The following HRG variants were observed in gnomAD, a reference collection of about 807,000 sequenced individuals.
HRG encodes the protein histidine-rich glycoprotein.
HRG carries 26 observed loss-of-function variants against 29.5 expected under a neutral mutation model. The ratio of observed to expected loss-of-function variants is 0.88; its 90% CI spans 0.65 to 1.22. The LOEUF (loss-of-function observed/expected upper bound fraction) is 1.22, where lower values mean the gene tolerates loss of function less well. Among genes scored for constraint, HRG ranks in the 50% most tolerant of loss-of-function variants. The pLI, the probability that HRG is intolerant of heterozygous loss-of-function variation, is 0.00. For missense variants in HRG, 671 were observed against 654.5 expected (o/e 1.03, Z -0.28); for synonymous variants, 243 against 240.4 (o/e 1.01, Z -0.10).
Position 186,675,170 on chromosome 3 carries a change from T to C in HRG, c.721T>C (p.Cys241Arg), listed in dbSNP as rs2276804. The change falls in exon 6 of 7, where the codon TGT becomes CGT. Residue 241 changes from cysteine (C) to arginine (R), a missense_variant. Physicochemically the swap from Cys to Arg is radical, Grantham distance 180. Transcript: ENST00000232003. ...LESPKNLVINCEVFDPQEHEN... is the reference protein window; with the variant it reads ...LESPKNLVINREVFDPQEHEN... ...AAGCCCGAAAAACCTTGTCATAAAC[T>C]GTGAAGTCTTCGACCCTCAGGTGGG... 6.2e-5 allele frequency: 100 copies of C among 1,613,212 alleles called. No individual in the cohort carries two copies. The East Asian group carries it at 2.2e-3, about 35-fold the overall frequency.
At chr3:186,672,606 A>G (rs1163327602) in intron 4 of HRG, among the ~76,000 whole-genome samples, 181 bp from the exon 5 acceptor site, 2 of 152,238 alleles carry the variant, frequency 1.3e-5, no homozygotes, top group Admixed American at 6.5e-5. Context: ...GTGAACTGGT[A>G]TTCACCTTAT....
Position 186,677,718 on chromosome 3 carries a change from A to T in HRG, c.1413A>T (p.Pro471=), listed in dbSNP as rs757723153. 6.2e-7 allele frequency: 1 copy of T among 1,611,322 alleles called. No homozygotes were observed. The highest frequency in any genetic ancestry group is 1.1e-5 in the South Asian group (1 of 91,044). ...CTCTAAGAAAAGGTGAGGTGCTGCC[A>T]CTTCCTGAGGCCAATTTTCCCAGCT... is the stretch of plus-strand genomic sequence containing the variant. ...LPPLRKGEVL[P]LPEANFPSFP... Residue 471 remains proline (P), a synonymous_variant, in exon 7 of 7, where the codon CCA becomes CCT. Transcript: ENST00000232003.
chr3:186,669,514 A>T (rs947243876), intron 2 of HRG: 5 of 353,860 alleles, frequency 1.4e-5, no homozygotes, highest in African/African-American at 1.1e-4. Context: ...AGCACCTAGG[A>T]TATACACTGA....
rs1014762323 is a variant in HRG, at chr3:186,673,206, C to T, written c.639+339C>T. ...GCAACCTCCGCCTCCCGGGTTCAGG[C>T]GATTCTCCTGCCTCAGCCTCCGGAG... On this transcript the variant is annotated intron_variant, in intron 5 of 6. Coordinates refer to ENST00000232003, the MANE Select transcript of HRG (RefSeq NM_000412.5). The T allele has an allele frequency of 2.5e-5, 9 of 361,458 alleles. 1 individual carries two copies. The highest frequency in any genetic ancestry group is 4.6e-5 in the South Asian group (2 of 43,232). The allele number at this position is 361,458 out of a possible 1,614,324, so 22.4% of individuals were successfully genotyped here. A position where few individuals can be genotyped will look rare whatever the true frequency, so the allele number is the denominator to read the frequency against.
intron 6 of HRG, among the ~76,000 whole-genome samples, chr3:186,676,437 C>G (rs1718992325): frequency 6.6e-6 from 1 of 151,874 alleles, no homozygotes; most frequent in East Asian, 1.9e-4. Context: ...CAATCCTTTA[C>G]TCTGATATTG....
At position 186,666,152 on chromosome 3, in the gene HRG, A is replaced by T; in HGVS notation, c.121A>T (p.Arg41Trp). 1 of 1,614,224 alleles carries T rather than the reference A, an allele frequency of 6.2e-7. No individual in the cohort carries two copies. Among genetic ancestry groups the T allele is most frequent in the African/African-American group, 1.3e-5 (1 of 75,058 alleles). Residue 41 changes from arginine (R) to tryptophan (W), a missense_variant, in exon 1 of 7, where the codon AGG (arginine) becomes TGG (tryptophan). Arg to Trp is a moderately radical substitution (Grantham distance 101). Coordinates refer to ENST00000232003, the MANE Select transcript of HRG (RefSeq NM_000412.5). ...GAAAGCTCTAGACCTGATCAATAAA[A>T]GGCGACGGGATGGCTACCTTTTCCA... ...AEKALDLINK[R>W]RRDGYLFQLL...
intron 1 of HRG, 55 bp downstream of exon 1, chr3:186,666,269 G>A (rs1318027048): frequency 1.9e-6 from 3 of 1,562,206 alleles, no homozygotes; most frequent in African/African-American, 2.7e-5. Context: ...GGGGGCAAAT[G>A]TGACTCTACC....
intron 3 of HRG, 73 bp downstream of exon 3, chr3:186,670,101 A>G: frequency 1.2e-6 from 1 of 815,836 alleles, no homozygotes; most frequent in Non-Finnish European, 2.2e-6. Flanking sequence ...TATTTGTCTC[A>G]TCTATGTACA....
intron 5 of HRG, 168 bp downstream of exon 5, chr3:186,673,035 G>A (rs1189568870): frequency 1.5e-6 from 1 of 686,588 alleles, no homozygotes; most frequent in South Asian, 1.6e-5. Context: ...GAAATACAAA[G>A]TATCATCTGG....
chr3:186,677,673 A>G lies in HRG; in HGVS notation c.1368A>G (p.Gly456=), dbSNP rs144288090. ...GPRPFHCRQI[G]SVYRLPPLRK... ...GTCCCTTCCATTGCAGACAAATTGG[A>G]TCTGTGTACCGACTCCCTCCTCTAA... Residue 456 remains glycine, a synonymous_variant, in exon 7 of 7, where the codon GGA becomes GGG. Transcript: ENST00000232003. 6.2e-5 allele frequency: 100 copies of G among 1,613,806 alleles called. No individual in the cohort carries two copies. In the African/African-American group the frequency reaches 1.2e-3, roughly 20 times the overall value.
In HRG at chr3:186,669,040, C is replaced by T; in HGVS notation, c.289C>T (p.Pro97Ser). 1 of 1,580,312 alleles carries T rather than the reference C, an allele frequency of 6.3e-7. No individual in the cohort carries two copies. The highest frequency in any genetic ancestry group is 8.7e-7 in the Non-Finnish European group (1 of 1,148,996). The change falls in exon 2 of 7, where the codon CCA becomes TCA. Residue 97 changes from proline to serine, a missense_variant. Physicochemically the swap from Pro to Ser is moderately conservative, Grantham distance 74. Coordinates refer to ENST00000232003, the MANE Select transcript of HRG (RefSeq NM_000412.5). The part of the protein sequence containing the change: ...NDCEPPDSRR[P>S]SEIVIGQCKV... ...CTGTGAGCCACCTGATTCCAGACGT[C>T]CATCTGAAATAGTAAGTAAAGAGGG...
intron 5 of HRG, chr3:186,674,881 G>A: frequency 3.6e-6 from 2 of 562,386 alleles, no homozygotes; most frequent in South Asian, 3.5e-5. Context: ...AAAAACCACA[G>A]CAACTTTAGT....
Position 186,668,892 on chromosome 3 carries a change from G to C in HRG, c.184-43G>C, listed in dbSNP as rs1304274362. On this transcript the variant is annotated intron_variant, in intron 1 of 6. Transcript: ENST00000232003. The stretch of plus-strand genomic sequence containing the variant: ...TTAATACATAAAAAAAAACCCGCTA[G>C]GTTTCCATGTGCTACTCACATGTTG... 2.9e-6 allele frequency: 3 copies of C among 1,047,426 alleles called. No individual in the cohort carries two copies. The African/African-American group carries it at 4.7e-5, about 16-fold the overall frequency. 64.9% of individuals were successfully genotyped at this position (1,047,426 alleles called of 1,614,324 possible). A position where few individuals can be genotyped will look rare whatever the true frequency, so the allele number is the denominator to read the frequency against.
rs950902026 is a variant in HRG, at chr3:186,677,314, G to A, written c.1009G>A (p.Ala337Thr). 3 of 1,614,012 alleles carry A rather than the reference G, an allele frequency of 1.9e-6. No individual in the cohort carries two copies. The highest frequency in any genetic ancestry group is 2.5e-6 in the Non-Finnish European group (3 of 1,180,018). Residue 337 changes from alanine to threonine, a missense_variant, in exon 7 of 7, where the codon GCC (alanine) becomes ACC (threonine). By Grantham distance (58) the Ala-to-Thr change is moderately conservative. Coordinates refer to ENST00000232003, the MANE Select transcript of HRG (RefSeq NM_000412.5). ...CQHATFGTNGAQRHSHNNNSS... is the reference protein window; with the variant it reads ...CQHATFGTNGTQRHSHNNNSS... The stretch of plus-strand genomic sequence containing the variant: ...ACATGCCACTTTTGGCACAAATGGG[G>A]CCCAAAGACATTCTCATAATAATAA...
At chr3:186,669,072 C>A in intron 2 of HRG, 21 bp downstream of exon 2, 1 of 1,209,348 alleles carries the variant, frequency 8.3e-7, no homozygotes, top group Non-Finnish European at 1.2e-6. Flanking sequence ...AGGGCACCTT[C>A]ACTCTGCTCT....
chr3:186,666,807 G>C (rs1718625134), intron 1 of HRG: 1 of 156,320 alleles, frequency 6.4e-6, no homozygotes, highest in African/African-American at 2.4e-5. Context: ...CAGCTACTCA[G>C]GGGGTTGAGG....
At chr3:186,671,851 A>C (rs1458526907) in intron 4 of HRG, 62 bp downstream of exon 4, 1 of 1,403,290 alleles carries the variant, frequency 7.1e-7, no homozygotes, top group African/African-American at 1.4e-5. Flanking sequence ...GGCAGCAGGA[A>C]CTGAATGGCA....
In HRG at chr3:186,677,211, T is replaced by G. The variant is rs1022407101; in HGVS notation, c.906T>G (p.Asp302Glu). ...PHEHGPPPPP[D>E]ERDHSHGPPL... ...AACATGGACCCCCACCTCCTCCAGA[T>G]GAAAGAGATCACTCACATGGACCCC... Residue 302 changes from aspartate (D) to glutamate (E), a missense_variant, in exon 7 of 7, where the codon GAT (aspartate) becomes GAG (glutamate). Transcript: ENST00000232003. The G allele has an allele frequency of 7.4e-6, 12 of 1,613,752 alleles. No homozygotes were observed. Among genetic ancestry groups the G allele is most frequent in the Non-Finnish European group, 8.5e-6 (10 of 1,179,920 alleles).
chr3:186,674,629 A>G (rs1340197718), intron 5 of HRG: 3 of 248,090 alleles, frequency 1.2e-5, no homozygotes, highest in Non-Finnish European at 2.4e-5. Context: ...ACTTGCCTTG[A>G]CAATGTCCAT....
Sources: allele counts gnomAD v4.1 joint callset (sites outside exome capture counted in the v4.1 genomes callset), GRCh38; gene constraint gnomAD v4.1.1; transcripts MANE v1.5; gene names NCBI Gene and HGNC (gene_info 2026-07-23, HGNC 2026-07-21).